Variants in NXN observed in about 807,000 individuals in gnomAD.
The protein encoded by NXN is nucleoredoxin.
NXN carries 16 observed loss-of-function variants against 48.6 expected under a neutral mutation model. The observed-to-expected ratio is 0.33, with a 90% CI of 0.22 to 0.50. The LOEUF is 0.50. NXN is among the 20% of genes least tolerant of loss of function. The probability of loss-of-function intolerance (pLI) is 0.98; values close to 1 mark genes in which losing one functional copy is unlikely to be tolerated. For missense variants in NXN, 492 were observed against 605.5 expected (o/e 0.81, Z 1.97); for synonymous variants, 281 against 269.6 (o/e 1.04, Z -0.41).
rs1481262675 is a variant in NXN, at chr17:819,551, G to A, written c.714-6C>T. 4.4e-6 allele frequency: 7 copies of A among 1,582,644 alleles called. No homozygotes were observed. The Admixed American group carries it at 7.1e-5, about 16-fold the overall frequency. On this transcript the variant is annotated splice_region_variant and splice_polypyrimidine_tract_variant and intron_variant, in intron 4 of 7. Transcript: ENST00000336868. ...GTTTGAAGGACTCCTCCGACCTACA[G>A]AGAGACACACGTGGCGGGCAAGGCT...
chr17:857,003 G>GT (rs1353419579), intron 1 of NXN, among the ~76,000 whole-genome samples: 1 of 151,760 alleles, frequency 6.6e-6, no homozygotes, highest in Non-Finnish European at 1.5e-5. Flanking sequence ...ACCACTTCAG[G>GT]TATCAGTTAC....
intron 1 of NXN, among the ~76,000 whole-genome samples, chr17:889,137 C>T (rs926684901): frequency 6.6e-6 from 1 of 152,172 alleles, no homozygotes; most frequent in Non-Finnish European, 1.5e-5. Flanking sequence ...ATCTCCACCA[C>T]CTGCCAGCTA....
chr17:818,444 C>A (rs916433332), intron 5 of NXN, among the ~76,000 whole-genome samples: 1 of 152,062 alleles, frequency 6.6e-6, no homozygotes, highest in Non-Finnish European at 1.5e-5. Context: ...AGCTTTACCA[C>A]CCCACTTTGC....
chr17:891,923 G>A (rs2068424654), intron 1 of NXN, among the ~76,000 whole-genome samples: 1 of 128,358 alleles, frequency 7.8e-6, no homozygotes, highest in Non-Finnish European at 1.6e-5. Flanking sequence ...ACCCCACCAT[G>A]CACAACCCAA....
intron 1 of NXN, among the ~76,000 whole-genome samples, chr17:846,713 G>C (rs1375806763): frequency 7.2e-5 from 11 of 152,070 alleles, no homozygotes; most frequent in African/African-American, 2.7e-4. Context: ...AAAGTGGAGG[G>C]AAAGGGGAAG....
At chr17:951,210 C>T (rs1393463723) in intron 1 of NXN, among the ~76,000 whole-genome samples, 11 of 127,152 alleles carry the variant, frequency 8.7e-5, no homozygotes, top group African/African-American at 3.3e-4. Context: ...AAAAGCTGGG[C>T]GTGGTAGCGG....
chr17:820,939 AC>A lies in NXN; in HGVS notation c.714-1395del, dbSNP rs1912793782. On this transcript the variant is annotated intron_variant, in intron 4 of 7. Transcript: ENST00000336868. ...ACTCCACCTAAAAAAAAAAAAAAAA[AC>A]AAAAAAAAAAACTGACTGCTGCACC... Among the ~76,000 whole-genome samples the A allele has an allele frequency of 4.4e-5, 3 of 67,692 alleles. 1 individual carries two copies. Among genetic ancestry groups the A allele is most frequent in the Non-Finnish European group, 8.2e-5 (3 of 36,502 alleles). The allele number at this position is 67,692 out of a possible 152,430, so 44.4% of individuals were successfully genotyped here. A position where few individuals can be genotyped will look rare whatever the true frequency, so the allele number is the denominator to read the frequency against.
At chr17:918,259 C>T (rs2068709080) in intron 1 of NXN, among the ~76,000 whole-genome samples, 1 of 152,158 alleles carries the variant, frequency 6.6e-6, no homozygotes, top group Non-Finnish European at 1.5e-5. Context: ...GAACCCTGGG[C>T]CCAAAGGGGT....
At chr17:863,290 C>G (rs2068060027) in intron 1 of NXN, among the ~76,000 whole-genome samples, 2 of 152,312 alleles carry the variant, frequency 1.3e-5, no homozygotes, top group South Asian at 4.1e-4. Context: ...ACCTCAGCCT[C>G]CTGAGTAGCT....
At position 979,747 on chromosome 17, in the gene NXN, G is replaced by GCGGCGT. The variant is rs1567531617; in HGVS notation, c.-75_-70dup. 20 of 1,220,180 alleles carry GCGGCGT rather than the reference G, an allele frequency of 1.6e-5. No individual in the cohort carries two copies. The highest frequency in any genetic ancestry group is 2.4e-5 in the South Asian group (1 of 41,730). 75.6% of individuals were successfully genotyped at this position (1,220,180 alleles called of 1,614,324 possible). A position where few individuals can be genotyped will look rare whatever the true frequency, so the allele number is the denominator to read the frequency against. ...ACGGTCCGCGCGGCGGGAGGAGGCG[G>GCGGCGT]CGGCGTCGGCGGCAGGCGCTGGGGA... On this transcript the variant is annotated 5_prime_UTR_variant, in exon 1 of 8. Transcript: ENST00000336868.
intron 1 of NXN, among the ~76,000 whole-genome samples, chr17:907,298 T>C (rs553622674): frequency 3.3e-5 from 5 of 152,068 alleles, no homozygotes; most frequent in Non-Finnish European, 7.4e-5. Flanking sequence ...GATTGCTTCT[T>C]GCAATATTTT....
intron 1 of NXN, among the ~76,000 whole-genome samples, chr17:951,815 C>G (rs2069114096): frequency 6.6e-6 from 1 of 152,172 alleles, no homozygotes; most frequent in African/African-American, 2.4e-5. Context: ...CCTGGGAGAG[C>G]CACAGGGGCA....
chr17:838,838 C>T lies in NXN; in HGVS notation c.361-12760G>A, dbSNP rs548993568. On this transcript the variant is annotated intron_variant, in intron 1 of 7. Coordinates refer to ENST00000336868, the MANE Select transcript of NXN (RefSeq NM_022463.5). ...GCCTCCCTTCCAAACGGGGGCCGCTCCAAGAACCCACCGTTCCGGGTTGAG... is the reference window on the plus strand; with the variant it reads ...GCCTCCCTTCCAAACGGGGGCCGCTTCAAGAACCCACCGTTCCGGGTTGAG... 1.6e-3 allele frequency among the ~76,000 whole-genome samples: 243 copies of T among 152,332 alleles called. 1 individual carries two copies. The highest frequency in any genetic ancestry group is 5.3e-3 in the African/African-American group (219 of 41,582).
At chr17:887,670 G>A (rs1006969251) in intron 1 of NXN, among the ~76,000 whole-genome samples, 1 of 152,106 alleles carries the variant, frequency 6.6e-6, no homozygotes. Context: ...GCGGAGACAT[G>A]ACCCCATTTT....
chr17:964,439 G>T (rs901285965), intron 1 of NXN, among the ~76,000 whole-genome samples: 9 of 152,154 alleles, frequency 5.9e-5, no homozygotes, highest in African/African-American at 2.2e-4. Flanking sequence ...AATACTTTCC[G>T]CAAATCCAAA....
chr17:891,891 A>G (rs1341407216), intron 1 of NXN, among the ~76,000 whole-genome samples: 59 of 107,124 alleles, frequency 5.5e-4, no homozygotes, highest in Middle Eastern at 5.0e-3. Context: ...ACCATGTACA[A>G]CCCAACAGGG....
At chr17:801,250 C>A in intron 7 of NXN, 119 bp from the exon 8 acceptor site, 1 of 660,348 alleles carries the variant, frequency 1.5e-6, no homozygotes, top group Non-Finnish European at 2.2e-6. Flanking sequence ...CGGCGTTTCC[C>A]AAGCAGAGGG....
chr17:896,861 G>GC, intron 1 of NXN: 4 of 1,125,958 alleles, frequency 3.6e-6, no homozygotes, highest in South Asian at 1.6e-5. Flanking sequence ...CTGACCACCC[G>GC]CCCCCGGCCC....
At chr17:814,048 G>C (rs530383373) in intron 5 of NXN, among the ~76,000 whole-genome samples, 162 of 152,108 alleles carry the variant, frequency 1.1e-3, no homozygotes, top group African/African-American at 3.4e-3. Flanking sequence ...ATCACATGAG[G>C]TCAGGAGCTC....
Sources: allele counts gnomAD v4.1 joint callset (sites outside exome capture counted in the v4.1 genomes callset), GRCh38; gene constraint gnomAD v4.1.1; transcripts MANE v1.5; gene names NCBI Gene and HGNC (gene_info 2026-07-23, HGNC 2026-07-21).